The following TGFBR3 variants were observed in gnomAD, a reference collection of about 807,000 sequenced individuals.
TGFBR3 encodes the protein transforming growth factor beta receptor 3.
TGFBR3 carries 46 observed loss-of-function variants against 87.9 expected under a neutral mutation model. The observed-to-expected ratio is 0.52, with a 90% CI of 0.41 to 0.67. The LOEUF is 0.67. Among genes scored for constraint, TGFBR3 ranks in the 30% least tolerant of loss-of-function variants. TGFBR3 has a pLI of 0.00. For synonymous variants in TGFBR3, 381 were observed against 391.6 expected (o/e 0.97, Z 0.32); for missense variants, 866 against 1,041.9 (o/e 0.83, Z 2.32).
chr1:91,878,001 C>T (rs1187351646), intron 1 of TGFBR3, among the ~76,000 whole-genome samples: 1 of 152,220 alleles, frequency 6.6e-6, no homozygotes, highest in Non-Finnish European at 1.5e-5. Flanking sequence ...GAAGACCTTA[C>T]GCTGCAATGA....
chr1:91,771,445 C>A (rs942446474), intron 3 of TGFBR3, among the ~76,000 whole-genome samples: 2 of 152,076 alleles, frequency 1.3e-5, no homozygotes, highest in African/African-American at 4.8e-5. Context: ...TGGCTCACGT[C>A]TGTAATCCCA....
chr1:91,687,027 G>A (rs1460767894), intron 16 of TGFBR3, among the ~76,000 whole-genome samples: 1 of 152,218 alleles, frequency 6.6e-6, no homozygotes, highest in Non-Finnish European at 1.5e-5. Flanking sequence ...GAGGGAGAGT[G>A]AGTAGGGGAG....
At chr1:91,744,885 T>A (rs953928247) in intron 4 of TGFBR3, among the ~76,000 whole-genome samples, 2 of 151,898 alleles carry the variant, frequency 1.3e-5, no homozygotes, top group Admixed American at 1.3e-4. Context: ...ATGGATGGAG[T>A]CATCTCCTTG....
At chr1:91,756,056 A>T (rs1477492637) in intron 4 of TGFBR3, among the ~76,000 whole-genome samples, 1 of 152,234 alleles carries the variant, frequency 6.6e-6, no homozygotes, top group Non-Finnish European at 1.5e-5. Flanking sequence ...AATCCGGCTT[A>T]GAGAAATTAA....
At chr1:91,754,299 A>G (rs1271386241) in intron 4 of TGFBR3, among the ~76,000 whole-genome samples, 1 of 152,204 alleles carries the variant, frequency 6.6e-6, no homozygotes, top group Non-Finnish European at 1.5e-5. Flanking sequence ...AAATGAATGC[A>G]TAAATAAAAA....
intron 5 of TGFBR3, among the ~76,000 whole-genome samples, chr1:91,731,141 T>C (rs967906494): frequency 2.0e-5 from 3 of 152,238 alleles, no homozygotes; most frequent in Non-Finnish European, 2.9e-5. Flanking sequence ...GGCACTACTA[T>C]AAAACAGACT....
chr1:91,797,528 A>T, intron 2 of TGFBR3, 57 bp from the exon 3 acceptor site: 1 of 1,582,774 alleles, frequency 6.3e-7, no homozygotes, highest in Non-Finnish European at 8.7e-7. Flanking sequence ...TTCTGCCCCA[A>T]AGGGGCAAGG....
intron 2 of TGFBR3, among the ~76,000 whole-genome samples, chr1:91,858,522 G>A (rs1282357599): frequency 2.7e-5 from 4 of 148,570 alleles, no homozygotes; most frequent in Non-Finnish European, 5.9e-5. Flanking sequence ...GGTTGAGGCA[G>A]GAGAATTGCT....
At chr1:91,818,699 G>A (rs1190724590) in intron 2 of TGFBR3, among the ~76,000 whole-genome samples, 2 of 152,148 alleles carry the variant, frequency 1.3e-5, no homozygotes, top group Non-Finnish European at 2.9e-5. Context: ...TTGGAGGTGG[G>A]AGATTTAATG....
intron 3 of TGFBR3, among the ~76,000 whole-genome samples, chr1:91,779,699 G>C (rs1674695912): frequency 6.6e-6 from 1 of 152,164 alleles, no homozygotes; most frequent in Admixed American, 6.5e-5. Context: ...GGGGAACACA[G>C]GAGTAAACAA....
At chr1:91,719,076 G>A (rs980420313) in intron 10 of TGFBR3, among the ~76,000 whole-genome samples, 2 of 152,106 alleles carry the variant, frequency 1.3e-5, no homozygotes, top group Admixed American at 6.6e-5. Context: ...ATCAGGAGAC[G>A]GAAACGGGGG....
chr1:91,867,063 G>A (rs1678417251), intron 1 of TGFBR3, among the ~76,000 whole-genome samples: 1 of 152,198 alleles, frequency 6.6e-6, no homozygotes, highest in Admixed American at 6.5e-5. Flanking sequence ...TTTGTAAAGA[G>A]TGTAACAGAC....
intron 2 of TGFBR3, among the ~76,000 whole-genome samples, chr1:91,853,635 T>C (rs757809738): frequency 1.3e-5 from 2 of 152,162 alleles, no homozygotes; most frequent in South Asian, 2.1e-4. Flanking sequence ...CAGATGAACA[T>C]GGAGGACATT....
chr1:91,803,415 C>G (rs1277169915), intron 2 of TGFBR3, among the ~76,000 whole-genome samples: 2 of 152,158 alleles, frequency 1.3e-5, no homozygotes, highest in Non-Finnish European at 1.5e-5. Flanking sequence ...GTGGATGTAA[C>G]AGGCAGCACT....
intron 1 of TGFBR3, chr1:91,864,171 G>A (rs1227964470): frequency 1.3e-5 from 2 of 152,196 alleles, no homozygotes; most frequent in East Asian, 3.8e-4. Flanking sequence ...TAAGCGGCAC[G>A]AGGCTTGTGG....
intron 3 of TGFBR3, among the ~76,000 whole-genome samples, chr1:91,773,338 G>A (rs1247797204): frequency 6.6e-6 from 1 of 151,554 alleles, no homozygotes; most frequent in Admixed American, 6.6e-5. Flanking sequence ...TATAAATCTA[G>A]AGCCTATGGT....
At chr1:91,752,743 C>T (rs747544058) in intron 4 of TGFBR3, among the ~76,000 whole-genome samples, 2 of 151,924 alleles carry the variant, frequency 1.3e-5, no homozygotes, top group East Asian at 1.9e-4. Context: ...AAATTAGAGG[C>T]CGGGCATAGT....
intron 3 of TGFBR3, among the ~76,000 whole-genome samples, chr1:91,774,093 G>A (rs1273215726): frequency 6.6e-6 from 1 of 151,986 alleles, no homozygotes; most frequent in Middle Eastern, 3.4e-3. Context: ...CATGGTAGTA[G>A]TCTAAAAACA....
At chr1:91,715,303 C>T (rs570672852) in intron 12 of TGFBR3, among the ~76,000 whole-genome samples, 12 of 152,342 alleles carry the variant, frequency 7.9e-5, no homozygotes, top group Admixed American at 2.0e-4. Context: ...TGTTTTCTCC[C>T]CTTTCAAATG....
Sources: allele counts gnomAD v4.1 joint callset (sites outside exome capture counted in the v4.1 genomes callset), GRCh38; gene constraint gnomAD v4.1.1; transcripts MANE v1.5; gene names NCBI Gene and HGNC (gene_info 2026-07-23, HGNC 2026-07-21).